The following KPNA6 variants were observed in gnomAD, a reference collection of about 807,000 sequenced individuals.
KPNA6 encodes karyopherin subunit alpha 6.
In KPNA6, 9 loss-of-function variants were observed where a neutral mutation model predicts 72.0. That is an observed-to-expected ratio of 0.13 (90% CI 0.08 to 0.22). The LOEUF is 0.22. Among genes scored for constraint, KPNA6 ranks in the 10% least tolerant of loss-of-function variants. KPNA6 has a pLI of 1.00. For missense variants in KPNA6, 374 were observed against 655.7 expected (o/e 0.57, Z 4.69); for synonymous variants, 219 against 242.1 (o/e 0.90, Z 0.89).
chr1:32,138,076 G>C (rs1000082384), intron 1 of KPNA6, among the ~76,000 whole-genome samples: 5 of 150,132 alleles, frequency 3.3e-5, no homozygotes, highest in South Asian at 2.1e-4. Flanking sequence ...CAGAGGTTGC[G>C]ATGAGCCAAG....
intron 10 of KPNA6, 103 bp from the exon 11 acceptor site, chr1:32,166,002 A>G (rs867561379): frequency 1.4e-6 from 2 of 1,380,572 alleles, no homozygotes; most frequent in South Asian, 1.5e-5. Context: ...TGTCTCAAAA[A>G]AAAAAACAAA....
intron 1 of KPNA6, 136 bp from the exon 2 acceptor site, chr1:32,154,452 G>A (rs1642098211): frequency 1.3e-6 from 1 of 786,966 alleles, no homozygotes; most frequent in Non-Finnish European, 2.0e-6. Flanking sequence ...GAGATGTCAG[G>A]TGCTATTGAG....
Position 32,173,006 on chromosome 1 carries a change from T to C in KPNA6, c.*2112T>C. ...GAGGAGGATGGTTTAGGTCTGGCAATTGTCCTTGAAAAATCCCACCCATGT... is the reference window on the plus strand; with the variant it reads ...GAGGAGGATGGTTTAGGTCTGGCAACTGTCCTTGAAAAATCCCACCCATGT... On this transcript the variant is annotated 3_prime_UTR_variant, in exon 14 of 14. Coordinates refer to ENST00000373625, the MANE Select transcript of KPNA6 (RefSeq NM_012316.5). 2.5e-6 allele frequency: 1 copy of C among 398,284 alleles called. No individual in the cohort carries two copies. 24.7% of individuals were successfully genotyped at this position (398,284 alleles called of 1,614,324 possible).
chr1:32,160,382 G>A (rs931370839), intron 6 of KPNA6, among the ~76,000 whole-genome samples: 1 of 151,714 alleles, frequency 6.6e-6, no homozygotes, highest in Non-Finnish European at 1.5e-5. Context: ...TGTGGCTATA[G>A]TACAGATGGC....
intron 2 of KPNA6, among the ~76,000 whole-genome samples, 159 bp from the exon 3 acceptor site, chr1:32,156,690 TAGAA>T (rs1202447376): frequency 4.6e-5 from 7 of 152,210 alleles, no homozygotes; most frequent in African/African-American, 7.2e-5. Context: ...ACTAAAATAA[TAGAA>T]AGCAAAACTG....
intron 1 of KPNA6, among the ~76,000 whole-genome samples, chr1:32,138,172 T>A (rs1177766076): frequency 6.7e-6 from 1 of 149,056 alleles, no homozygotes; most frequent in African/African-American, 2.5e-5. Context: ...CAGAAACTGG[T>A]TTAAAGAGAA....
chr1:32,165,182 C>T (rs1642310440), intron 10 of KPNA6, among the ~76,000 whole-genome samples: 1 of 152,158 alleles, frequency 6.6e-6, no homozygotes. Flanking sequence ...GCTGGGATTA[C>T]AGGCATGAAG....
chr1:32,124,011 C>T (rs1361893050), intron 1 of KPNA6, among the ~76,000 whole-genome samples: 21 of 118,518 alleles, frequency 1.8e-4, no homozygotes, highest in African/African-American at 6.7e-4. Context: ...TCCTGCCTGG[C>T]GACAGAGCAA....
At chr1:32,169,124 T>C (rs920145864) in intron 12 of KPNA6, among the ~76,000 whole-genome samples, 2 of 151,924 alleles carry the variant, frequency 1.3e-5, no homozygotes, top group African/African-American at 4.8e-5. Flanking sequence ...CCCAGCACTT[T>C]GGGGAGGTCA....
intron 1 of KPNA6, among the ~76,000 whole-genome samples, chr1:32,132,648 A>G (rs1204283266): frequency 1.3e-5 from 2 of 152,184 alleles, no homozygotes; most frequent in Non-Finnish European, 2.9e-5. Flanking sequence ...TCAAGCCTGT[A>G]ATCCCAGCAC....
chr1:32,123,253 C>T (rs757884094), intron 1 of KPNA6, among the ~76,000 whole-genome samples: 6 of 152,026 alleles, frequency 3.9e-5, no homozygotes, highest in South Asian at 2.1e-4. Context: ...CCAGTGTTTC[C>T]GGGCGTGGTG....
chr1:32,149,239 A>G (rs945785108), intron 1 of KPNA6, among the ~76,000 whole-genome samples: 2 of 151,744 alleles, frequency 1.3e-5, no homozygotes, highest in African/African-American at 4.8e-5. Flanking sequence ...TTTTATTGAT[A>G]TTCTCATTTT....
intron 1 of KPNA6, among the ~76,000 whole-genome samples, chr1:32,151,712 C>A (rs1202895766): frequency 6.6e-6 from 1 of 152,170 alleles, no homozygotes; most frequent in Non-Finnish European, 1.5e-5. Flanking sequence ...AATCACAATT[C>A]TGCATTGCTG....
At chr1:32,160,152 A>T (rs573555203) in intron 6 of KPNA6, among the ~76,000 whole-genome samples, 1 of 152,290 alleles carries the variant, frequency 6.6e-6, no homozygotes, top group South Asian at 2.1e-4. Flanking sequence ...CTAAAAAGTT[A>T]GCTGGGCATG....
chr1:32,116,499 A>C (rs1458396317), intron 1 of KPNA6, among the ~76,000 whole-genome samples: 1 of 151,998 alleles, frequency 6.6e-6, no homozygotes, highest in Non-Finnish European at 1.5e-5. Context: ...TCTCTACTAA[A>C]AATACAAAAT....
At chr1:32,109,387 G>C (rs538605727) in intron 1 of KPNA6, among the ~76,000 whole-genome samples, 2 of 152,006 alleles carry the variant, frequency 1.3e-5, no homozygotes, top group East Asian at 3.9e-4. Flanking sequence ...GGCCAGGCTG[G>C]TCTCGAACCC....
chr1:32,167,102 A>C (rs1642353607), intron 11 of KPNA6, 67 bp from the exon 12 acceptor site: 9 of 1,572,862 alleles, frequency 5.7e-6, no homozygotes, highest in Non-Finnish European at 7.0e-6. Flanking sequence ...TGATTTGGGG[A>C]CTAGATTTAT....
chr1:32,150,923 G>C (rs1181158839), intron 1 of KPNA6, among the ~76,000 whole-genome samples: 1 of 151,392 alleles, frequency 6.6e-6, no homozygotes, highest in Non-Finnish European at 1.5e-5. Flanking sequence ...CCACGCCCCG[G>C]CTGTTTTTGT....
rs1284760954 is a variant in KPNA6, at chr1:32,119,015, TATATATATATA to T, written c.4+10882_4+10892del. Among the ~76,000 whole-genome samples, 135 of 73,538 alleles carry T rather than the reference TATATATATATA, an allele frequency of 1.8e-3. 3 individuals are homozygous for T. Among genetic ancestry groups the T allele is most frequent in the African/African-American group, 8.8e-3 (118 of 13,384 alleles). The allele number at this position is 73,538 out of a possible 152,430, so 48.2% of individuals were successfully genotyped here. On this transcript the variant is annotated intron_variant, in intron 1 of 13. Transcript: ENST00000373625. ...GTGTATACATATATATATATATATATATATATATATATATATATTTTTTTTTTTTTTTTTGA... is the reference window on the plus strand; with the variant it reads ...GTGTATACATATATATATATATATATTATATATTTTTTTTTTTTTTTTTGA...
Sources: allele counts gnomAD v4.1 joint callset (sites outside exome capture counted in the v4.1 genomes callset), GRCh38; gene constraint gnomAD v4.1.1; transcripts MANE v1.5; gene names NCBI Gene and HGNC (gene_info 2026-07-23, HGNC 2026-07-21).